ACACA: variants seen among roughly 807,000 people sequenced by gnomAD.
ACACA encodes the protein acetyl-CoA carboxylase alpha.
ACACA carries 103 observed loss-of-function variants against 296.1 expected under a neutral mutation model. The observed-to-expected ratio is 0.35, with a 90% CI of 0.30 to 0.41. The LOEUF (loss-of-function observed/expected upper bound fraction) is 0.41. Among genes scored for constraint, ACACA ranks in the 10% least tolerant of loss-of-function variants. The pLI is 1.00. For missense variants in ACACA, 1,554 were observed against 2,989.7 expected, an observed-to-expected ratio of 0.52 and a Z score of 11.20; for synonymous variants, 953 against 1,038.6, an observed-to-expected ratio of 0.92 and a Z score of 1.58.
chr17:37,153,573 A>C (rs1225990697), intron 43 of ACACA, among the ~76,000 whole-genome samples: 2 of 152,230 alleles, frequency 1.3e-5, no homozygotes, highest in African/African-American at 4.8e-5. Flanking sequence ...AGCTGATTCC[A>C]AGGTTTGAGA....
intron 52 of ACACA, among the ~76,000 whole-genome samples, chr17:37,102,402 AC>A (rs1386154201): frequency 6.6e-6 from 1 of 151,964 alleles, no homozygotes; most frequent in African/African-American, 2.4e-5. Context: ...ATTTGGTTTT[AC>A]CATGTTGGCC....
intron 1 of ACACA, among the ~76,000 whole-genome samples, chr17:37,404,055 G>A (rs567371784): frequency 5.3e-5 from 8 of 152,292 alleles, no homozygotes; most frequent in South Asian, 4.1e-4. Flanking sequence ...TTACAGGAAT[G>A]AGCCACTGTG....
In ACACA at chr17:37,139,970, T is replaced by C. The variant is rs141231643; in HGVS notation, c.5680-9752A>G. Among the ~76,000 whole-genome samples, 143 of 152,352 alleles carry C rather than the reference T, an allele frequency of 9.4e-4. 2 individuals are homozygous for C. In the South Asian group the frequency reaches 0.016, roughly 17 times the overall value. ...AAAACTGGGAGTTTCTTTGTTAAAT[T>C]TGAACACTGTCTTTAAAGAGTGATC... On this transcript the variant is annotated intron_variant, in intron 45 of 55. Coordinates refer to ENST00000616317, the MANE Select transcript of ACACA (RefSeq NM_198834.3).
intron 54 of ACACA, among the ~76,000 whole-genome samples, chr17:37,095,932 C>T (rs534387198): frequency 4.6e-5 from 7 of 152,172 alleles, no homozygotes; most frequent in African/African-American, 1.4e-4. Flanking sequence ...ATCCCCAACA[C>T]TGAGGCTAGA....
intron 25 of ACACA, among the ~76,000 whole-genome samples, chr17:37,229,068 C>T (rs1231678444): frequency 4.0e-5 from 6 of 149,556 alleles, no homozygotes; most frequent in South Asian, 2.2e-4. Flanking sequence ...GGTGTGAACC[C>T]GGGAGGCAGA....
intron 54 of ACACA, 93 bp downstream of exon 54, chr17:37,096,903 A>G (rs1331842889): frequency 6.8e-7 from 1 of 1,466,054 alleles, no homozygotes. Flanking sequence ...TCCTGCCCTT[A>G]GAGGCCTGTG....
In ACACA at chr17:37,317,997, A is replaced by G. The variant is rs1018796977; in HGVS notation, c.338+12176T>C. On this transcript the variant is annotated intron_variant, in intron 3 of 55. Transcript: ENST00000616317. ...CACCATGGCAACTGGGAACCTCAGA[A>G]TATCAAGGAAGGAGCACTGAAAGTA... Among the ~76,000 whole-genome samples, 60 of 152,308 alleles carry G rather than the reference A, an allele frequency of 3.9e-4. No homozygotes were observed. The Middle Eastern group carries it at 0.01, about 26-fold the overall frequency.
At chr17:37,340,858 A>G (rs963651363) in intron 1 of ACACA, among the ~76,000 whole-genome samples, 1 of 152,216 alleles carries the variant, frequency 6.6e-6, no homozygotes, top group Non-Finnish European at 1.5e-5. Flanking sequence ...AGGTCACTTA[A>G]CGTCTCTGTA....
intron 1 of ACACA, among the ~76,000 whole-genome samples, chr17:37,349,006 T>C (rs1043419967): frequency 7.9e-5 from 12 of 151,472 alleles, no homozygotes; most frequent in Non-Finnish European, 1.2e-4. Context: ...CGTAAATATA[T>C]GTTAAAACTA....
chr17:37,390,330 A>ATATATATCTATATATCTATATC (rs1386032855), intron 1 of ACACA, among the ~76,000 whole-genome samples: 1 of 41,592 alleles, frequency 2.4e-5, no homozygotes. Flanking sequence ...ATATATATAT[A>ATATATATCTATATATCTATATC]TATAAAAGGC....
chr17:37,254,943 T>C (rs1362176152), intron 14 of ACACA, among the ~76,000 whole-genome samples: 2 of 149,622 alleles, frequency 1.3e-5, no homozygotes, highest in East Asian at 2.0e-4. Context: ...AAAATACAGG[T>C]TGACAAAATT....
chr17:37,405,879 A>C (rs1472544943), intron 1 of ACACA, among the ~76,000 whole-genome samples: 1 of 126,922 alleles, frequency 7.9e-6, no homozygotes, highest in Non-Finnish European at 1.6e-5. Flanking sequence ...TTTTTTTGGA[A>C]TGAACTTGTA....
chr17:37,180,416 T>TA (rs2077274838), intron 40 of ACACA, among the ~76,000 whole-genome samples: 1 of 152,208 alleles, frequency 6.6e-6, no homozygotes, highest in Non-Finnish European at 1.5e-5. Context: ...ATTACTTTAC[T>TA]AAAATTCAAA....
At position 37,248,094 on chromosome 17, in the gene ACACA, A is replaced by G; in HGVS notation, c.2226T>C (p.Asp742=). The G allele has an allele frequency of 6.2e-7, 1 of 1,614,170 alleles. No homozygotes were observed. The highest frequency in any genetic ancestry group is 8.5e-7 in the Non-Finnish European group (1 of 1,180,014). ...GTCCACCGTCACTCAGCCGATGTAC[A>G]TCTACTTCTACACATGAGCCATTCA... ...VIMNGSCVEV[D]VHRLSDGGLL... is the part of the protein sequence containing the mutation. The change falls in exon 18 of 56, where the codon GAT becomes GAC. Residue 742 remains aspartate, a synonymous_variant. Transcript: ENST00000616317.
chr17:37,328,582 G>A (rs1483428683), intron 3 of ACACA: 2 of 259,372 alleles, frequency 7.7e-6, no homozygotes, highest in Non-Finnish European at 1.4e-5. Flanking sequence ...AACGAACACT[G>A]CCTAGTCTCT....
chr17:37,332,695 T>C (rs2047939922), intron 2 of ACACA, among the ~76,000 whole-genome samples: 1 of 151,728 alleles, frequency 6.6e-6, no homozygotes, highest in Non-Finnish European at 1.5e-5. Context: ...GTAGATCACC[T>C]GAGGTCAGCA....
chr17:37,392,002 G>C (rs2050905156), intron 1 of ACACA: 1 of 444,754 alleles, frequency 2.2e-6, no homozygotes, highest in African/African-American at 1.9e-5. Flanking sequence ...CAAGCACTAT[G>C]AATGGACCTT....
At chr17:37,288,987 G>A (rs561836873) in intron 3 of ACACA, among the ~76,000 whole-genome samples, 2 of 152,234 alleles carry the variant, frequency 1.3e-5, no homozygotes, top group South Asian at 4.1e-4. Flanking sequence ...TACCTGCCAG[G>A]CATGGTGGCT....
intron 1 of ACACA, among the ~76,000 whole-genome samples, chr17:37,390,314 A>C (rs1374138462): frequency 5.2e-5 from 2 of 38,690 alleles, no homozygotes; most frequent in East Asian, 3.4e-3. Flanking sequence ...TTATATATAT[A>C]TATATATATA....
Sources: gnomAD v4.1 joint callset for allele counts (sites outside exome capture counted in the v4.1 genomes callset) on GRCh38, gnomAD v4.1.1 for gene constraint, MANE v1.5 for transcripts, NCBI Gene and HGNC (gene_info 2026-07-23, HGNC 2026-07-21) for gene names.